NR3C1: variants seen among roughly 807,000 people sequenced by gnomAD.
The protein encoded by NR3C1 is nuclear receptor subfamily 3 group C member 1.
A neutral mutation model predicts 74.0 loss-of-function variants in NR3C1; 14 were observed. The ratio of observed to expected loss-of-function variants is 0.19; its 90% CI spans 0.12 to 0.30. The LOEUF is 0.30. Ranked by LOEUF, NR3C1 falls within the 10% of genes least tolerant of loss-of-function variation. The probability of loss-of-function intolerance (pLI) is 1.00; values close to 1 mark genes in which losing one functional copy is unlikely to be tolerated. For synonymous variants in NR3C1, 308 were observed against 332.5 expected (o/e 0.93, Z 0.80); for missense variants, 695 against 909.8 (o/e 0.76, Z 3.04).
At chr5:143,400,878 G>A in intron 1 of NR3C1, 26 bp from the exon 2 acceptor site, 1 of 1,543,838 alleles carries the variant, frequency 6.5e-7, no homozygotes. Context: ...CAAAAACGGG[G>A]GGAAAACATC....
chr5:143,419,396 A>AC (rs1751096452), intron 1 of NR3C1, among the ~76,000 whole-genome samples: 4 of 152,184 alleles, frequency 2.6e-5, no homozygotes, highest in African/African-American at 9.6e-5. Flanking sequence ...GATAAAAGAA[A>AC]TGTGGCATTC....
chr5:143,295,557 T>C lies in NR3C1; in HGVS notation c.1926A>G (p.Gln642=), dbSNP rs1199199094. The C allele has an allele frequency of 3.7e-6, 6 of 1,613,010 alleles. No individual in the cohort carries two copies. Among genetic ancestry groups the C allele is most frequent in the Non-Finnish European group, 5.1e-6 (6 of 1,179,390 alleles). ...QRMTLPCMYD[Q]CKHMLYVSSE... is the part of the protein sequence containing the mutation. ...AGGAAACATACAGCATGTGTTTACA[T>C]TGGTCGTACATGCAGGGTAGAGTCA... is the stretch of plus-strand genomic sequence containing the variant. Residue 642 remains glutamine, a synonymous_variant, in exon 7 of 9, where the codon CAA becomes CAG. Transcript: ENST00000394464.
At position 143,403,532 on chromosome 5, in the gene NR3C1, T is replaced by C; in HGVS notation, c.-335A>G. 16 of 985,002 alleles carry C rather than the reference T, an allele frequency of 1.6e-5. No homozygotes were observed. The highest frequency in any genetic ancestry group is 1.9e-5 in the Non-Finnish European group (16 of 829,980). 61.0% of individuals were successfully genotyped at this position (985,002 alleles called of 1,614,324 possible). ...CGTCTCCTTCCACCCACAGAATCCG[T>C]CCCCGACGGGCAGGCGGTGACTCGG... On this transcript the variant is annotated 5_prime_UTR_variant, in exon 1 of 9. Coordinates refer to ENST00000394464, the MANE Select transcript of NR3C1 (RefSeq NM_000176.3).
intron 6 of NR3C1, among the ~76,000 whole-genome samples, chr5:143,297,407 T>C (rs765519987): frequency 3.9e-5 from 6 of 152,212 alleles, no homozygotes; most frequent in Non-Finnish European, 8.8e-5. Flanking sequence ...AATTACATAT[T>C]AGAAAGTGAC....
At chr5:143,378,178 G>C (rs1835553503) in intron 2 of NR3C1, among the ~76,000 whole-genome samples, 1 of 152,048 alleles carries the variant, frequency 6.6e-6, no homozygotes, top group African/African-American at 2.4e-5. Context: ...TTGAGCCCAG[G>C]AGTTCAAGGC....
At chr5:143,298,093 G>A (rs936970869) in intron 6 of NR3C1, among the ~76,000 whole-genome samples, 2 of 152,196 alleles carry the variant, frequency 1.3e-5, no homozygotes, top group Non-Finnish European at 2.9e-5. Context: ...ATGGACACCT[G>A]AAGTATTTCG....
intron 2 of NR3C1, among the ~76,000 whole-genome samples, chr5:143,373,337 A>G (rs140218689): frequency 2.0e-5 from 3 of 152,328 alleles, no homozygotes; most frequent in Non-Finnish European, 2.9e-5. Flanking sequence ...GGAACAGAGA[A>G]ATGTATGTAC....
chr5:143,400,395 C>T lies in NR3C1; in HGVS notation c.445G>A (p.Ala149Thr). ...PKSSASTAVS[A>T]APTEKEFPKT... ...GGAAACTCCTTCTCTGTGGGGGCAG[C>T]AGACACAGCAGTGGATGCTGAACTC... The change falls in exon 2 of 9, where the codon GCT becomes ACT. Residue 149 changes from alanine (A) to threonine (T), a missense_variant. By Grantham distance (58) the Ala-to-Thr change is moderately conservative. Around this residue, in one of 4 missense-constraint regions of NR3C1, gnomAD observed 497 missense variants for 489.5 expected, o/e 1.02. Coordinates refer to ENST00000394464, the MANE Select transcript of NR3C1 (RefSeq NM_000176.3). The T allele has an allele frequency of 6.2e-7, 1 of 1,614,216 alleles. No homozygotes were observed. The highest frequency in any genetic ancestry group is 8.5e-7 in the Non-Finnish European group (1 of 1,180,042).
At chr5:143,398,982 T>C (rs1264839885) in intron 2 of NR3C1, among the ~76,000 whole-genome samples, 1 of 152,218 alleles carries the variant, frequency 6.6e-6, no homozygotes, top group Non-Finnish European at 1.5e-5. Flanking sequence ...TGCACCATGT[T>C]GACACCAATT....
chr5:143,376,643 T>C (rs1318048580), intron 2 of NR3C1, among the ~76,000 whole-genome samples: 1 of 152,212 alleles, frequency 6.6e-6, no homozygotes, highest in Admixed American at 6.5e-5. Flanking sequence ...TCCTTCTTAG[T>C]GCAGTGGTTC....
upstream of NR3C1, chr5:143,404,559 G>T: frequency 1.0e-6 from 1 of 971,636 alleles, no homozygotes; most frequent in Non-Finnish European, 1.2e-6. Context: ...CGGCGGCGGC[G>T]GCAGAAGGAG....
At chr5:143,332,983 A>G in intron 2 of NR3C1, 2 of 1,588,976 alleles carry the variant, frequency 1.3e-6, no homozygotes, top group South Asian at 2.2e-5. Flanking sequence ...AAGGTCAAGA[A>G]TAAGACCATC....
Position 143,279,332 on chromosome 5 carries a change from T to C in NR3C1, c.*2557A>G. ...ATCTTCTTTTTCTCATTGAGTTCTA[T>C]TTTTTGAGCGCCAAGATTGTTGGGA... On this transcript the variant is annotated 3_prime_UTR_variant, in exon 9 of 9. Coordinates refer to ENST00000394464, the MANE Select transcript of NR3C1 (RefSeq NM_000176.3). 6.5e-7 allele frequency: 1 copy of C among 1,541,478 alleles called. No homozygotes were observed. Among genetic ancestry groups the C allele is most frequent in the Non-Finnish European group, 8.7e-7 (1 of 1,144,460 alleles).
At chr5:143,412,218 AAGTT>A (rs1461975269) in intron 1 of NR3C1, among the ~76,000 whole-genome samples, 1 of 135,510 alleles carries the variant, frequency 7.4e-6, no homozygotes, top group Middle Eastern at 3.5e-3. Flanking sequence ...CAGATGGAGA[AAGTT>A]AGGCTGGATT....
At chr5:143,283,186 A>ATAAC (rs1195788829) in intron 7 of NR3C1, among the ~76,000 whole-genome samples, 6 of 152,204 alleles carry the variant, frequency 3.9e-5, no homozygotes, top group African/African-American at 9.6e-5. Context: ...ATTTCTTGCT[A>ATAAC]TAACTTTTTA....
chr5:143,321,541 C>T (rs184647385), intron 2 of NR3C1, among the ~76,000 whole-genome samples: 1 of 152,210 alleles, frequency 6.6e-6, no homozygotes, highest in African/African-American at 2.4e-5. Context: ...ATCCCCCACA[C>T]ACTGCTAAAA....
chr5:143,407,872 A>G (rs1177090234), upstream of NR3C1, among the ~76,000 whole-genome samples: 1 of 152,222 alleles, frequency 6.6e-6, no homozygotes, highest in East Asian at 1.9e-4. Context: ...TCTTGATTCT[A>G]GTGCTACACA....
At chr5:143,361,252 C>T (rs1010018551) in intron 2 of NR3C1, among the ~76,000 whole-genome samples, 2 of 152,002 alleles carry the variant, frequency 1.3e-5, no homozygotes, top group African/African-American at 4.8e-5. Flanking sequence ...TAGATTGAAA[C>T]CTTGGTCTGG....
At chr5:143,406,761 AGTG>A (rs978872706), upstream of NR3C1, among the ~76,000 whole-genome samples, 1 of 152,228 alleles carries the variant, frequency 6.6e-6, no homozygotes, top group African/African-American at 2.4e-5. Context: ...ACAATATTAA[AGTG>A]GTTTTCCTCA....
Sources: gnomAD v4.1 joint callset for allele counts (sites outside exome capture counted in the v4.1 genomes callset) on GRCh38, gnomAD v4.1.1 for gene constraint, gnomAD v4.1.1 regional missense constraint, MANE v1.5 for transcripts, NCBI Gene and HGNC (gene_info 2026-07-23, HGNC 2026-07-21) for gene names.